The following TAS2R1 variants were observed in gnomAD, a reference collection of about 807,000 sequenced individuals.
TAS2R1 encodes the protein taste receptor type 2 member 1.
For synonymous variants in TAS2R1, 141 were observed against 134.2 expected, an observed-to-expected ratio of 1.05 and a Z score of -0.35; for missense variants, 370 against 353.4, an observed-to-expected ratio of 1.05 and a Z score of -0.38.
the TAS2R1 span, among the ~76,000 whole-genome samples, chr5:9,901,430 C>A: frequency 1.3e-5 from 2 of 151,990 alleles, no homozygotes; most frequent in Admixed American, 1.3e-4. Flanking sequence ...GGCGTTCATT[C>A]TTCTGGAAAA....
chr5:9,672,007 C>CT (rs2126503469), intron 1 of TAS2R1, among the ~76,000 whole-genome samples: 5 of 152,236 alleles, frequency 3.3e-5, no homozygotes, highest in African/African-American at 1.2e-4. Context: ...ACCAAGTGAT[C>CT]TTTGATGAAG....
chr5:9,861,697 C>T, the TAS2R1 span, among the ~76,000 whole-genome samples: 74 of 152,290 alleles, frequency 4.9e-4, no homozygotes, highest in African/African-American at 1.8e-3. Context: ...GGTGTGTATA[C>T]AGCAGCAAAA....
Position 9,628,128 on chromosome 5 carries a change from TTATC to T in TAS2R1, c.*1001_*1004del, listed in dbSNP as rs35524938. 0.33 allele frequency among the ~76,000 whole-genome samples: 48,072 copies of T among 146,430 alleles called. 7,956 individuals carry two copies. The highest frequency in any genetic ancestry group is 0.37 in the Admixed American group (5,391 of 14,462). On this transcript the variant is annotated 3_prime_UTR_variant, in exon 1 of 1. Coordinates refer to ENST00000382492, the MANE Select transcript of TAS2R1 (RefSeq NM_019599.3). ...ATACAAGTATATCTATCTCCATAAT[TTATC>T]TATCTATCTATCTATCTATCTATCT...
the TAS2R1 span, among the ~76,000 whole-genome samples, chr5:9,722,443 G>A: frequency 1.3e-5 from 2 of 152,314 alleles, no homozygotes; most frequent in South Asian, 2.1e-4. Flanking sequence ...ACGTAAAATG[G>A]AAAGGTTAAA....
the TAS2R1 span, among the ~76,000 whole-genome samples, chr5:9,865,913 C>A: frequency 6.6e-6 from 1 of 152,160 alleles, no homozygotes; most frequent in Non-Finnish European, 1.5e-5. Context: ...GGCTCATAGG[C>A]CATGATTTTG....
the TAS2R1 span, among the ~76,000 whole-genome samples, chr5:9,735,426 T>C: frequency 3.3e-5 from 5 of 151,590 alleles, no homozygotes; most frequent in African/African-American, 9.8e-5. Flanking sequence ...ATAAGATTAA[T>C]ATTTACAAAA....
At chr5:9,742,760 A>C in the TAS2R1 span, among the ~76,000 whole-genome samples, 1 of 152,208 alleles carries the variant, frequency 6.6e-6, no homozygotes, top group African/African-American at 2.4e-5. Context: ...TTCATGAGTT[A>C]GGTAGGGCTT....
the TAS2R1 span, among the ~76,000 whole-genome samples, chr5:9,743,660 T>C: frequency 6.6e-6 from 1 of 152,186 alleles, no homozygotes; most frequent in South Asian, 2.1e-4. Context: ...TGCATAAACA[T>C]GAATATTTTA....
the TAS2R1 span, among the ~76,000 whole-genome samples, chr5:9,884,747 C>T: frequency 6.6e-6 from 1 of 152,184 alleles, no homozygotes; most frequent in African/African-American, 2.4e-5. Context: ...CTAATTTATT[C>T]CTCTCAGTTA....
intron 1 of TAS2R1, among the ~76,000 whole-genome samples, chr5:9,705,975 G>T (rs959173505): frequency 6.6e-6 from 1 of 152,148 alleles, no homozygotes; most frequent in Non-Finnish European, 1.5e-5. Flanking sequence ...CCTCTACAAA[G>T]ACCAAATTCC....
At position 9,629,218 on chromosome 5, in the gene TAS2R1, C is replaced by G; in HGVS notation, c.815G>C (p.Gly272Ala). 1.9e-6 allele frequency: 3 copies of G among 1,609,722 alleles called. No homozygotes were observed. The highest frequency in any genetic ancestry group is 2.5e-6 in the Non-Finnish European group (3 of 1,178,744). The part of the protein sequence containing the change: ...FILVIGIYPS[G>A]HSLILILGNP... ...TCCTAAAATTAAGATGAGAGAGTGT[C>G]CAGAAGGGTATATACCAATCACAAG... Residue 272 changes from glycine (G) to alanine (A), a missense_variant, in exon 1 of 1, where the codon GGA becomes GCA. Transcript: ENST00000382492.
At chr5:9,690,153 C>T (rs1245845304) in intron 1 of TAS2R1, among the ~76,000 whole-genome samples, 1 of 152,196 alleles carries the variant, frequency 6.6e-6, no homozygotes, top group Non-Finnish European at 1.5e-5. Flanking sequence ...CTAGAGCCTG[C>T]TTATGTGGTA....
the TAS2R1 span, among the ~76,000 whole-genome samples, chr5:9,755,766 C>A: frequency 6.6e-6 from 1 of 152,114 alleles, no homozygotes; most frequent in Non-Finnish European, 1.5e-5. Flanking sequence ...TTTCCCAGAA[C>A]TGAGGGTTTC....
At chr5:9,888,892 G>A in the TAS2R1 span, among the ~76,000 whole-genome samples, 1 of 152,262 alleles carries the variant, frequency 6.6e-6, no homozygotes, top group Admixed American at 6.5e-5. Context: ...TTCCAGGAAG[G>A]GAAATTAGGT....
the TAS2R1 span, among the ~76,000 whole-genome samples, chr5:9,885,170 C>T: frequency 6.6e-6 from 1 of 152,204 alleles, no homozygotes; most frequent in Non-Finnish European, 1.5e-5. Flanking sequence ...GTAGTCTGAC[C>T]TAGAACCCAT....
At chr5:9,651,185 G>A (rs1243489833) in intron 2 of TAS2R1, among the ~76,000 whole-genome samples, 1 of 152,274 alleles carries the variant, frequency 6.6e-6, no homozygotes, top group East Asian at 1.9e-4. Flanking sequence ...TCAGACAGAT[G>A]CTCTCAAGGT....
chr5:9,686,358 AAAT>A (rs141403089), intron 1 of TAS2R1, among the ~76,000 whole-genome samples: 15,058 of 152,242 alleles, frequency 0.099, 895 homozygotes, highest in Admixed American at 0.2. Context: ...GGAAGAAAGA[AAAT>A]ATTGGTCTAG....
At chr5:9,822,703 C>T in the TAS2R1 span, among the ~76,000 whole-genome samples, 7 of 151,924 alleles carry the variant, frequency 4.6e-5, no homozygotes, top group Admixed American at 6.6e-5. Flanking sequence ...TACATATGTC[C>T]TTTTCCTTGC....
At chr5:9,736,552 A>G in the TAS2R1 span, among the ~76,000 whole-genome samples, 1 of 152,176 alleles carries the variant, frequency 6.6e-6, no homozygotes, top group African/African-American at 2.4e-5. Context: ...ACCATTCTCC[A>G]GTTGGCCACG....
Sources: gnomAD v4.1 joint callset for allele counts (sites outside exome capture counted in the v4.1 genomes callset) on GRCh38, gnomAD v4.1.1 for gene constraint, MANE v1.5 for transcripts, NCBI Gene and HGNC (gene_info 2026-07-23, HGNC 2026-07-21) for gene names.